LINGO1: variants seen among roughly 807,000 people sequenced by gnomAD.
LINGO1 encodes leucine rich repeat and Ig domain containing 1, also known as leucine-rich repeat and immunoglobulin-like domain-containing nogo receptor-interacting protein 1.
In LINGO1, 11 loss-of-function variants were observed where a neutral mutation model predicts 37.3. The ratio of observed to expected loss-of-function variants is 0.29; its 90% CI spans 0.19 to 0.49. LINGO1 has a LOEUF of 0.49. LINGO1 is among the 20% of genes least tolerant of loss of function. LINGO1 has a pLI of 0.99. For synonymous variants in LINGO1, 387 were observed against 403.0 expected (o/e 0.96, Z 0.48); for missense variants, 585 against 878.2 (o/e 0.67, Z 4.22).
At chr15:77,784,273 GAGC>G in intron 1 of LINGO1, among the ~76,000 whole-genome samples, 1 of 152,256 alleles carries the variant, frequency 6.6e-6, no homozygotes, top group East Asian at 1.9e-4. Context: ...CAGCAGGAGA[GAGC>G]AGAACTCAGA....
intron 2 of LINGO1, among the ~76,000 whole-genome samples, chr15:77,723,954 G>T (rs984305385): frequency 2.6e-5 from 4 of 152,152 alleles, no homozygotes; most frequent in Non-Finnish European, 5.9e-5. Flanking sequence ...TTTTCCCCAG[G>T]TTATATTTTT....
chr15:77,642,092 A>C (rs2074520284), intron 3 of LINGO1: 1 of 415,642 alleles, frequency 2.4e-6, no homozygotes, highest in Non-Finnish European at 4.9e-6. Flanking sequence ...GGCCCTCATA[A>C]ATGGGGCGCT....
At chr15:77,812,654 C>A (rs12443041) in intron 1 of LINGO1, among the ~76,000 whole-genome samples, 23,711 of 147,710 alleles carry the variant, frequency 0.16, 1,973 homozygotes, top group African/African-American at 0.21. Context: ...TGCAATCTCC[C>A]AGCCAGGCCC....
At chr15:77,784,199 T>C (rs765065245) in intron 1 of LINGO1, among the ~76,000 whole-genome samples, 2 of 152,362 alleles carry the variant, frequency 1.3e-5, no homozygotes, top group African/African-American at 2.4e-5. Flanking sequence ...TTGGTTCGCA[T>C]AGCAGAAGAG....
chr15:77,664,816 C>T (rs1232445899), intron 3 of LINGO1, among the ~76,000 whole-genome samples: 2 of 152,182 alleles, frequency 1.3e-5, no homozygotes, highest in Non-Finnish European at 2.9e-5. Context: ...CATCTGACTC[C>T]AGTGGGAGGG....
chr15:77,614,679 A>G lies in LINGO1; in HGVS notation c.1228T>C (p.Phe410Leu), dbSNP rs2073632118. Residue 410 changes from phenylalanine to leucine, a missense_variant, in exon 2 of 2, where the codon TTC (phenylalanine) becomes CTC (leucine). Around this residue, in one of 4 missense-constraint regions of LINGO1, gnomAD observed 484 missense variants for 735.0 expected, o/e 0.66. Transcript: ENST00000355300. ...EFVQGKEFKD[F>L]PDVLLPNYFT... ...TAGTTGGGCAGTAGCACATCAGGGA[A>G]GTCCTTGAACTCCTTGCCCTGGACA... is the stretch of plus-strand genomic sequence containing the variant. The G allele has an allele frequency of 6.2e-7, 1 of 1,611,972 alleles. No individual in the cohort carries two copies. The highest frequency in any genetic ancestry group is 1.3e-5 in the African/African-American group (1 of 74,914).
intron 1 of LINGO1, among the ~76,000 whole-genome samples, chr15:77,809,597 A>G (rs868412981): frequency 6.6e-6 from 1 of 151,944 alleles, no homozygotes; most frequent in Non-Finnish European, 1.5e-5. Context: ...CAACCCCCAC[A>G]GCACTGGGAG....
chr15:77,777,481 A>C (rs139236405), intron 1 of LINGO1, among the ~76,000 whole-genome samples: 1 of 89,362 alleles, frequency 1.1e-5, no homozygotes, highest in Non-Finnish European at 2.6e-5. Flanking sequence ...ACACACACAC[A>C]CACACACACA....
intron 1 of LINGO1, among the ~76,000 whole-genome samples, chr15:77,804,318 G>C (rs568822259): frequency 4.6e-5 from 7 of 152,160 alleles, no homozygotes; most frequent in African/African-American, 1.7e-4. Context: ...GATATGCACC[G>C]AAGGCAAGAG....
At chr15:77,699,771 T>TCACCTGCACACAGCACATACTAAC (rs1567532365), upstream of LINGO1, among the ~76,000 whole-genome samples, 3 of 89,022 alleles carry the variant, frequency 3.4e-5, no homozygotes, top group African/African-American at 4.0e-5. Flanking sequence ...ATACTAACCA[T>TCACCTGCACACAGCACATACTAAC]CATTCCCCCC....
chr15:77,702,374 T>C (rs1005808799), intron 2 of LINGO1, among the ~76,000 whole-genome samples: 1 of 152,116 alleles, frequency 6.6e-6, no homozygotes, highest in Middle Eastern at 3.2e-3. Flanking sequence ...CTGACCCTGT[T>C]ACAGCACCTG....
intron 3 of LINGO1, among the ~76,000 whole-genome samples, chr15:77,669,571 C>G (rs530550579): frequency 2.0e-5 from 3 of 152,232 alleles, no homozygotes; most frequent in South Asian, 2.1e-4. Flanking sequence ...AATGTCCACA[C>G]AGGCTAAGCT....
At chr15:77,711,825 C>A (rs984987463) in intron 2 of LINGO1, among the ~76,000 whole-genome samples, 1 of 152,148 alleles carries the variant, frequency 6.6e-6, no homozygotes, top group African/African-American at 2.4e-5. Context: ...AACGCTTCAG[C>A]GGAGCTTGTT....
At chr15:77,674,105 A>G (rs2075292391) in intron 3 of LINGO1, among the ~76,000 whole-genome samples, 1 of 151,278 alleles carries the variant, frequency 6.6e-6, no homozygotes, top group African/African-American at 2.4e-5. Flanking sequence ...CCCCATCTCC[A>G]TCTATGGCAA....
chr15:77,808,061 G>C (rs2076974510), intron 1 of LINGO1, among the ~76,000 whole-genome samples: 1 of 152,100 alleles, frequency 6.6e-6, no homozygotes, highest in Non-Finnish European at 1.5e-5. Flanking sequence ...TTGGGTCAAG[G>C]GGGAGAGAAG....
chr15:77,644,425 C>T (rs917579352), intron 3 of LINGO1, among the ~76,000 whole-genome samples: 1 of 152,184 alleles, frequency 6.6e-6, no homozygotes, highest in Non-Finnish European at 1.5e-5. Context: ...GGGAGGTGGT[C>T]GAGGAGGGGT....
chr15:77,697,007 G>A (rs536785790), upstream of LINGO1, among the ~76,000 whole-genome samples: 12 of 152,272 alleles, frequency 7.9e-5, no homozygotes, highest in Non-Finnish European at 1.6e-4. Flanking sequence ...TGGACCATCA[G>A]CAGGACTGGC....
At chr15:77,754,197 A>G (rs998627953) in intron 1 of LINGO1, among the ~76,000 whole-genome samples, 4 of 143,896 alleles carry the variant, frequency 2.8e-5, no homozygotes, top group Admixed American at 6.9e-5. Context: ...GAGCAAGAGG[A>G]TGGAAAAGAG....
At chr15:77,733,541 G>A (rs2076173651) in intron 2 of LINGO1, among the ~76,000 whole-genome samples, 1 of 152,202 alleles carries the variant, frequency 6.6e-6, no homozygotes. Flanking sequence ...ACAAAGTGTA[G>A]GGAGAGAGAC....
Sources: gnomAD v4.1 joint callset for allele counts (sites outside exome capture counted in the v4.1 genomes callset) on GRCh38, gnomAD v4.1.1 for gene constraint, gnomAD v4.1.1 regional missense constraint, MANE v1.5 for transcripts, NCBI Gene and HGNC (gene_info 2026-07-23, HGNC 2026-07-21) for gene names.